ROR1: variants seen among roughly 807,000 people sequenced by gnomAD.
The protein encoded by ROR1 is inactive tyrosine-protein kinase transmembrane receptor ROR1.
ROR1 carries 19 observed loss-of-function variants against 78.8 expected under a neutral mutation model. The ratio of observed to expected loss-of-function variants is 0.24; its 90% CI spans 0.17 to 0.35. ROR1 has a LOEUF of 0.35. Among genes scored for constraint, ROR1 ranks in the 10% least tolerant of loss-of-function variants. The pLI is 1.00. For missense variants in ROR1, 917 were observed against 1,177.8 expected, an observed-to-expected ratio of 0.78 and a Z score of 3.24; for synonymous variants, 386 against 433.6, an observed-to-expected ratio of 0.89 and a Z score of 1.36.
intron 8 of ROR1, among the ~76,000 whole-genome samples, chr1:64,160,402 T>A (rs1167549036): frequency 6.6e-6 from 1 of 152,068 alleles, no homozygotes; most frequent in Non-Finnish European, 1.5e-5. Context: ...AAATTCAGTG[T>A]ATATATTCTG....
chr1:64,139,876 G>A lies in ROR1; in HGVS notation c.611-233G>A, dbSNP rs1301299973. Among the ~76,000 whole-genome samples the A allele has an allele frequency of 2.0e-5, 3 of 151,294 alleles. No homozygotes were observed. In the East Asian group the frequency reaches 5.8e-4, roughly 29 times the overall value. Reference sequence around the variant, plus strand: ...TTAATTAATTTTTTTATTAGGAAATGGTACATATGTAATTTAATCCTGTTT... The same window carrying A: ...TTAATTAATTTTTTTATTAGGAAATAGTACATATGTAATTTAATCCTGTTT... On this transcript the variant is annotated intron_variant, in intron 5 of 8. Coordinates refer to ENST00000371079, the MANE Select transcript of ROR1 (RefSeq NM_005012.4).
At chr1:63,851,257 C>T (rs1645112183) in intron 1 of ROR1, among the ~76,000 whole-genome samples, 1 of 152,170 alleles carries the variant, frequency 6.6e-6, no homozygotes, top group Non-Finnish European at 1.5e-5. Flanking sequence ...GGATTACAGG[C>T]GTGAGCCACT....
At chr1:63,966,160 C>A (rs921935659) in intron 1 of ROR1, among the ~76,000 whole-genome samples, 16 of 152,164 alleles carry the variant, frequency 1.1e-4, no homozygotes, top group African/African-American at 3.9e-4. Flanking sequence ...GTGGTTAAAA[C>A]CAGTTAGTTC....
At chr1:64,096,528 T>G (rs1253147711) in intron 4 of ROR1, among the ~76,000 whole-genome samples, 1 of 152,202 alleles carries the variant, frequency 6.6e-6, no homozygotes, top group Non-Finnish European at 1.5e-5. Context: ...CTAAGGATAA[T>G]GGCCTCCAGC....
At chr1:64,169,415 C>A (rs1452385857) in intron 8 of ROR1, among the ~76,000 whole-genome samples, 1 of 152,160 alleles carries the variant, frequency 6.6e-6, no homozygotes, top group Admixed American at 6.5e-5. Flanking sequence ...GGGAAACTCC[C>A]CCTTATAGAA....
chr1:63,951,020 G>T (rs192234671), intron 1 of ROR1, among the ~76,000 whole-genome samples: 11 of 152,292 alleles, frequency 7.2e-5, no homozygotes, highest in African/African-American at 2.6e-4. Context: ...AAAATAACAT[G>T]TGAAATAAAG....
chr1:63,832,850 C>T (rs1644996901), intron 1 of ROR1, among the ~76,000 whole-genome samples: 1 of 152,246 alleles, frequency 6.6e-6, no homozygotes, highest in Non-Finnish European at 1.5e-5. Flanking sequence ...CAAACACACA[C>T]ACCTGAAACA....
At chr1:63,801,587 G>T (rs1032502726) in intron 1 of ROR1, among the ~76,000 whole-genome samples, 2 of 152,132 alleles carry the variant, frequency 1.3e-5, no homozygotes, top group Admixed American at 6.5e-5. Context: ...GAGCCACTGT[G>T]CCTGGCCGGG....
chr1:63,864,811 C>T (rs1645204655), intron 1 of ROR1, among the ~76,000 whole-genome samples: 2 of 148,594 alleles, frequency 1.3e-5, no homozygotes, highest in East Asian at 1.9e-4. Context: ...TTTTTTTTGC[C>T]TCCAAATTTT....
At chr1:64,132,547 G>A (rs1569827955) in intron 4 of ROR1, among the ~76,000 whole-genome samples, 1 of 152,018 alleles carries the variant, frequency 6.6e-6, no homozygotes, top group Non-Finnish European at 1.5e-5. Context: ...ATCATCTGAG[G>A]TCAGGAGTTC....
intron 4 of ROR1, chr1:64,113,922 C>T (rs1473234458): frequency 1.3e-5 from 2 of 152,058 alleles, no homozygotes; most frequent in Non-Finnish European, 1.5e-5. Context: ...GCCTCCCTGC[C>T]CCCATTTATA....
intron 1 of ROR1, among the ~76,000 whole-genome samples, chr1:63,806,991 A>G (rs1442232384): frequency 6.6e-6 from 1 of 152,144 alleles, no homozygotes; most frequent in Non-Finnish European, 1.5e-5. Context: ...TTCTTCCTTA[A>G]TGTGATCAAG....
intron 4 of ROR1, among the ~76,000 whole-genome samples, chr1:64,132,174 C>T (rs1025487542): frequency 2.0e-5 from 3 of 152,108 alleles, no homozygotes; most frequent in Non-Finnish European, 4.4e-5. Flanking sequence ...TTTTGTTCAG[C>T]TTATTTCACT....
intron 2 of ROR1, among the ~76,000 whole-genome samples, chr1:64,031,451 G>A (rs1206604744): frequency 6.6e-6 from 1 of 152,198 alleles, no homozygotes; most frequent in East Asian, 1.9e-4. Flanking sequence ...ATGTTCTGAT[G>A]TAGCTGCCAT....
At chr1:64,008,243 A>G (rs1239634789) in intron 1 of ROR1, among the ~76,000 whole-genome samples, 1 of 152,072 alleles carries the variant, frequency 6.6e-6, no homozygotes, top group Non-Finnish European at 1.5e-5. Flanking sequence ...CTGTTAATTC[A>G]CTTAGGCTAA....
intron 4 of ROR1, among the ~76,000 whole-genome samples, chr1:64,057,596 C>T (rs963255073): frequency 3.9e-5 from 6 of 152,144 alleles, no homozygotes; most frequent in Non-Finnish European, 8.8e-5. Context: ...CCTCTTAAGG[C>T]CTTTCATCTG....
chr1:63,798,538 C>T (rs573461125), intron 1 of ROR1, among the ~76,000 whole-genome samples: 6 of 152,230 alleles, frequency 3.9e-5, no homozygotes, highest in Non-Finnish European at 8.8e-5. Flanking sequence ...AGGAGGTAAG[C>T]AGGGTGGTTT....
At chr1:64,059,565 C>T (rs1304778056) in intron 4 of ROR1, among the ~76,000 whole-genome samples, 1 of 151,932 alleles carries the variant, frequency 6.6e-6, no homozygotes, top group Non-Finnish European at 1.5e-5. Flanking sequence ...AAAAATTAGC[C>T]AGGCATGGTG....
At chr1:63,820,592 A>G (rs1644918044) in intron 1 of ROR1, among the ~76,000 whole-genome samples, 1 of 152,062 alleles carries the variant, frequency 6.6e-6, no homozygotes, top group Admixed American at 6.6e-5. Context: ...TTCAGGTTTG[A>G]TGTGAATTTT....
Sources: allele counts gnomAD v4.1 joint callset (sites outside exome capture counted in the v4.1 genomes callset), GRCh38; gene constraint gnomAD v4.1.1; transcripts MANE v1.5; gene names NCBI Gene and HGNC (gene_info 2026-07-23, HGNC 2026-07-21).